Variants in POR observed in about 807,000 individuals in gnomAD.
POR encodes NADPH--cytochrome P450 reductase.
In POR, 56 loss-of-function variants were observed where a neutral mutation model predicts 84.0. The ratio of observed to expected loss-of-function variants is 0.67; its 90% CI spans 0.54 to 0.83. The LOEUF (loss-of-function observed/expected upper bound fraction) is 0.83. Ranked by LOEUF, POR falls within the 40% of genes least tolerant of loss-of-function variation. The pLI is 0.00. For synonymous variants in POR, 414 were observed against 400.5 expected (o/e 1.03, Z -0.40); for missense variants, 938 against 944.3 (o/e 0.99, Z 0.09).
In POR at chr7:75,972,438, T is replaced by C. The variant is rs782107314; in HGVS notation, c.214T>C (p.Phe72Leu). 14 of 1,609,860 alleles carry C rather than the reference T, an allele frequency of 8.7e-6. No individual in the cohort carries two copies. The highest frequency in any genetic ancestry group is 1.1e-5 in the Non-Finnish European group (13 of 1,178,240). Reference sequence around the variant, plus strand: ...GACCTCCTCTGTCAGAGAGAGCAGCTTTGTGGAAAAGATGAAGAAAACGGT... The same window carrying C: ...GACCTCCTCTGTCAGAGAGAGCAGCCTTGTGGAAAAGATGAAGAAAACGGT... Residue 72 changes from phenylalanine (F) to leucine (L), a missense_variant, in exon 3 of 16, where the codon TTT (phenylalanine) becomes CTT (leucine). Transcript: ENST00000461988.
At chr7:75,934,390 A>G (rs1335107290) in intron 1 of POR, among the ~76,000 whole-genome samples, 1 of 152,186 alleles carries the variant, frequency 6.6e-6, no homozygotes, top group Non-Finnish European at 1.5e-5. Context: ...GGGAGCAAAG[A>G]AATGACTTAA....
chr7:75,981,527 G>A lies in POR; in HGVS notation c.652G>A (p.Asp218Asn), dbSNP rs782602493. Residue 218 changes from aspartate (D) to asparagine (N), a missense_variant, in exon 7 of 16, where the codon GAC becomes AAC. Asp to Asn is a conservative substitution (Grantham distance 23). Transcript: ENST00000461988. Reference sequence around the variant, plus strand: ...CTCTCCTCGGCCCAGCTTGGAGGAGGACTTCATCACCTGGCGAGAGCAGTT... The same window carrying A: ...CTCTCCTCGGCCCAGCTTGGAGGAGAACTTCATCACCTGGCGAGAGCAGTT... 2 of 1,612,446 alleles carry A rather than the reference G, an allele frequency of 1.2e-6. No individual in the cohort carries two copies. The highest frequency in any genetic ancestry group is 2.7e-5 in the African/African-American group (2 of 74,912).
intron 2 of POR, among the ~76,000 whole-genome samples, chr7:75,968,614 G>T (rs41296509): frequency 2.0e-5 from 3 of 152,080 alleles, no homozygotes; most frequent in Admixed American, 6.5e-5. Flanking sequence ...CACCCTCCCC[G>T]GCAGGATGGG....
chr7:75,955,085 G>T (rs578170231), intron 2 of POR, among the ~76,000 whole-genome samples: 2 of 152,070 alleles, frequency 1.3e-5, no homozygotes, highest in African/African-American at 4.8e-5. Flanking sequence ...CAAGCAATCC[G>T]CACACCTTGG....
intron 1 of POR, among the ~76,000 whole-genome samples, chr7:75,939,235 G>A (rs1807844227): frequency 6.6e-6 from 1 of 152,230 alleles, no homozygotes. Context: ...TGACGTTTTT[G>A]TACCTGAACA....
At chr7:75,943,796 C>T (rs782580301) in intron 1 of POR, 3 of 483,088 alleles carry the variant, frequency 6.2e-6, no homozygotes, top group African/African-American at 6.1e-5. Flanking sequence ...ATTCTTAAAC[C>T]CTCTTGGTGG....
At chr7:75,922,583 C>T (rs546289416) in intron 1 of POR, among the ~76,000 whole-genome samples, 177 of 152,248 alleles carry the variant, frequency 1.2e-3, no homozygotes, top group African/African-American at 4.1e-3. Context: ...CTCGGCCTTC[C>T]GAAGTGCTGG....
At chr7:75,985,005 T>C in intron 11 of POR, 47 bp downstream of exon 11, 2 of 1,579,028 alleles carry the variant, frequency 1.3e-6, no homozygotes, top group African/African-American at 2.7e-5. Context: ...ACCCCGCCGT[T>C]TTCCGAGCTC....
chr7:75,946,529 C>G (rs1787181767), intron 1 of POR, among the ~76,000 whole-genome samples: 1 of 152,146 alleles, frequency 6.6e-6, no homozygotes, highest in Non-Finnish European at 1.5e-5. Context: ...CTCAAGTAAT[C>G]TGCCCGCCTT....
chr7:75,944,390 A>G (rs999268644), intron 1 of POR, among the ~76,000 whole-genome samples: 18 of 152,268 alleles, frequency 1.2e-4, no homozygotes, highest in African/African-American at 4.1e-4. Flanking sequence ...TAAATTAGCC[A>G]GGCGTGGTGG....
At chr7:75,977,956 C>G (rs1418913472) in intron 3 of POR, among the ~76,000 whole-genome samples, 4 of 152,174 alleles carry the variant, frequency 2.6e-5, no homozygotes, top group African/African-American at 9.7e-5. Context: ...CAACTCCAGC[C>G]CCAACGGGCT....
chr7:75,971,193 T>A (rs1397418529), intron 2 of POR: 1 of 151,790 alleles, frequency 6.6e-6, no homozygotes, highest in Non-Finnish European at 1.5e-5. Context: ...AACTCCTGAC[T>A]CAAGTGATCC....
At chr7:75,933,362 T>C (rs1429054303) in intron 1 of POR, among the ~76,000 whole-genome samples, 2 of 147,738 alleles carry the variant, frequency 1.4e-5, no homozygotes, top group Non-Finnish European at 3.0e-5. Flanking sequence ...CACCATGTTA[T>C]ACAATAGGTC....
rs782786537 is a variant in POR at position 75,985,933 on chromosome 7, G to C, written c.1680G>C (p.Val560=). The change falls in exon 14 of 16, where the codon GTG becomes GTC. Residue 560 remains valine (V), a synonymous_variant. Coordinates refer to ENST00000461988, the MANE Select transcript of POR (RefSeq NM_000941.3). ...GCCCCTGCCACGCAGGCAAGGAGGT[G>C]GGGGAGACGCTGCTGTACTACGGCT... 1.5e-5 allele frequency: 24 copies of C among 1,587,182 alleles called. No homozygotes were observed. In the African/African-American group the frequency reaches 2.5e-4, roughly 17 times the overall value.
chr7:75,961,322 G>A (rs1416412429), intron 2 of POR, among the ~76,000 whole-genome samples: 3 of 150,188 alleles, frequency 2.0e-5, no homozygotes, highest in Admixed American at 2.0e-4. Flanking sequence ...GACCCACAGT[G>A]ATGCCCACCA....
intron 1 of POR, among the ~76,000 whole-genome samples, chr7:75,952,488 G>T (rs1168842472): frequency 6.6e-6 from 1 of 151,802 alleles, no homozygotes; most frequent in African/African-American, 2.4e-5. Context: ...TCCCGGACGG[G>T]GTGGCTGCTG....
intron 1 of POR, among the ~76,000 whole-genome samples, chr7:75,918,979 G>A (rs919986080): frequency 6.6e-6 from 1 of 151,108 alleles, no homozygotes; most frequent in Admixed American, 6.6e-5. Context: ...AGGGCTATGT[G>A]ACTAGCTCAG....
Position 75,985,851 on chromosome 7 carries a change from T to C in POR, c.1669+2T>C. Reference sequence around the variant, plus strand: ...AGCGGGCCTGGCTGCGACAGCAGGGTGAGTGGGGTCCCATGGGGGAGAGGG... The same window carrying C: ...AGCGGGCCTGGCTGCGACAGCAGGGCGAGTGGGGTCCCATGGGGGAGAGGG... On this transcript the variant is annotated splice_donor_variant, in intron 13 of 15. Coordinates refer to ENST00000461988, the MANE Select transcript of POR (RefSeq NM_000941.3). LOFTEE classifies it high-confidence loss of function. The C allele has an allele frequency of 1.3e-6, 2 of 1,549,142 alleles. No individual in the cohort carries two copies. Among genetic ancestry groups the C allele is most frequent in the Admixed American group, 1.9e-5 (1 of 52,648 alleles).
At chr7:75,968,859 A>G (rs1170226813) in intron 2 of POR, among the ~76,000 whole-genome samples, 2 of 152,018 alleles carry the variant, frequency 1.3e-5, no homozygotes, top group African/African-American at 2.4e-5. Context: ...GCTTTGTCCA[A>G]CTGCGTCAGG....
Sources: gnomAD v4.1 joint callset for allele counts (sites outside exome capture counted in the v4.1 genomes callset) on GRCh38, gnomAD v4.1.1 for gene constraint, MANE v1.5 for transcripts, NCBI Gene and HGNC (gene_info 2026-07-23, HGNC 2026-07-21) for gene names.